The following PKD1L1 variants were observed in gnomAD, a reference collection of about 807,000 sequenced individuals.
The protein encoded by PKD1L1 is polycystin-1-like protein 1.
PKD1L1 carries 236 observed loss-of-function variants against 323.4 expected under a neutral mutation model. That is an observed-to-expected ratio of 0.73 (90% CI 0.66 to 0.81). The LOEUF (loss-of-function observed/expected upper bound fraction) is 0.81, where lower values mean the gene tolerates loss of function less well. Among genes scored for constraint, PKD1L1 ranks in the 40% least tolerant of loss-of-function variants. The probability of loss-of-function intolerance (pLI) is 0.00; values close to 1 mark genes in which losing one functional copy is unlikely to be tolerated. For missense variants in PKD1L1, 3,320 were observed against 3,508.0 expected (o/e 0.95, Z 1.35); for synonymous variants, 1,344 against 1,335.0 (o/e 1.01, Z -0.15).
At chr7:47,882,869 G>A (rs1164634065) in intron 19 of PKD1L1, among the ~76,000 whole-genome samples, 1 of 152,160 alleles carries the variant, frequency 6.6e-6, no homozygotes, top group East Asian at 1.9e-4. Context: ...GTCATGTGAT[G>A]AGATGACTGC....
At chr7:47,881,027 C>T (rs1786543189) in intron 20 of PKD1L1, among the ~76,000 whole-genome samples, 1 of 151,850 alleles carries the variant, frequency 6.6e-6, no homozygotes, top group African/African-American at 2.4e-5. Flanking sequence ...TCCATCCATC[C>T]CTGGCTCAGA....
chr7:47,940,284 T>C lies in PKD1L1; in HGVS notation c.194A>G (p.Asp65Gly), dbSNP rs1321832566. The change falls in exon 3 of 57, where the codon GAT becomes GGT. Residue 65 changes from aspartate (D) to glycine (G), a missense_variant. Physicochemically the swap from Asp to Gly is moderately conservative, Grantham distance 94. Coordinates refer to ENST00000289672, the MANE Select transcript of PKD1L1 (RefSeq NM_138295.5). ...VYANHVLLMSDGKCGCPWCAL... is the reference protein window; with the variant it reads ...VYANHVLLMSGGKCGCPWCAL... ...ACACCAAGGACAGCCACACTTCCCATCACTCATAAGAAGCACATGATTAGC... is the reference window on the plus strand; with the variant it reads ...ACACCAAGGACAGCCACACTTCCCACCACTCATAAGAAGCACATGATTAGC... 3.1e-6 allele frequency: 5 copies of C among 1,613,434 alleles called. No homozygotes were observed. In the South Asian group the frequency reaches 5.5e-5, roughly 18 times the overall value.
At chr7:47,949,368 C>CAAAAAAAAAAAAAAAAAA (rs58131581), upstream of PKD1L1, among the ~76,000 whole-genome samples, 13 of 57,140 alleles carry the variant, frequency 2.3e-4, 1 homozygote, top group African/African-American at 6.7e-4. Context: ...GGCTCTGTCT[C>CAAAAAAAAAAAAAAAAAA]AAAAAAAAAA....
intron 18 of PKD1L1, 115 bp from the exon 19 acceptor site, chr7:47,884,772 AT>A: frequency 1.2e-6 from 1 of 828,352 alleles, no homozygotes; most frequent in South Asian, 1.5e-5. Context: ...GACTCCATAC[AT>A]TGCTCTGTGG....
intron 56 of PKD1L1, among the ~76,000 whole-genome samples, chr7:47,787,398 T>C (rs1489832961): frequency 6.6e-6 from 1 of 152,166 alleles, no homozygotes; most frequent in African/African-American, 2.4e-5. Flanking sequence ...AAAGTTATGA[T>C]TGCATTGTTG....
chr7:47,911,646 C>G (rs1787323567), intron 8 of PKD1L1, among the ~76,000 whole-genome samples: 1 of 152,112 alleles, frequency 6.6e-6, no homozygotes, highest in South Asian at 2.1e-4. Context: ...AACTTTTTCT[C>G]TCTTTGTTTA....
intron 19 of PKD1L1, 118 bp from the exon 20 acceptor site, chr7:47,882,203 T>G: frequency 9.5e-7 from 1 of 1,049,108 alleles, no homozygotes; most frequent in South Asian, 1.5e-5. Flanking sequence ...ATACCGCCTA[T>G]CTAATATAAT....
chr7:47,900,863 C>T (rs1346306810), intron 13 of PKD1L1, among the ~76,000 whole-genome samples: 2 of 152,054 alleles, frequency 1.3e-5, no homozygotes, highest in Non-Finnish European at 2.9e-5. Context: ...AATCAAAAGG[C>T]TGCTTAATAA....
intron 41 of PKD1L1, 119 bp downstream of exon 41, chr7:47,832,971 G>A (rs1785378047): frequency 1.5e-6 from 2 of 1,324,060 alleles, no homozygotes; most frequent in Non-Finnish European, 2.0e-6. Flanking sequence ...GTTTTTAGAT[G>A]AGACTAGAGT....
chr7:47,937,282 T>C, intron 3 of PKD1L1, among the ~76,000 whole-genome samples: 1 of 150,224 alleles, frequency 6.7e-6, no homozygotes, highest in Non-Finnish European at 1.5e-5. Flanking sequence ...CGCGGTGCTT[T>C]TTTATACACA....
intron 46 of PKD1L1, among the ~76,000 whole-genome samples, chr7:47,817,619 A>G (rs903482997): frequency 6.6e-6 from 1 of 152,220 alleles, no homozygotes; most frequent in Non-Finnish European, 1.5e-5. Flanking sequence ...CTATAATCCT[A>G]GCACTTTGGA....
intron 18 of PKD1L1, among the ~76,000 whole-genome samples, chr7:47,885,115 A>G (rs1394170004): frequency 2.0e-5 from 3 of 152,170 alleles, no homozygotes; most frequent in African/African-American, 7.2e-5. Context: ...CCAGAGGCAG[A>G]GGAGCTCACA....
chr7:47,808,684 CTG>C (rs981272328), intron 51 of PKD1L1, among the ~76,000 whole-genome samples: 1 of 152,124 alleles, frequency 6.6e-6, no homozygotes, highest in Non-Finnish European at 1.5e-5. Flanking sequence ...ATGGTAAGTG[CTG>C]GTGTATCTAA....
rs1057379323 is a variant in PKD1L1 at position 47,831,309 on chromosome 7, C to T, written c.6381G>A (p.Arg2127=). The T allele has an allele frequency of 6.2e-7, 1 of 1,614,114 alleles. No individual in the cohort carries two copies. The highest frequency in any genetic ancestry group is 8.5e-7 in the Non-Finnish European group (1 of 1,180,012). ...CAGAGCTCCACCAAGGCTGAAGGGC[C>T]CTTGACCACTGGGGCATTAGTCCCT... The part of the protein sequence containing the change: ...GLEGLMPQWS[R]ALQPWWSSAV... The change falls in exon 42 of 57, where the codon AGG becomes AGA. Residue 2127 remains arginine, a synonymous_variant. Coordinates refer to ENST00000289672, the MANE Select transcript of PKD1L1 (RefSeq NM_138295.5).
rs758584260 is a variant in PKD1L1, at chr7:47,931,130, A to T, written c.711T>A (p.Ile237=). The T allele has an allele frequency of 1.9e-6, 3 of 1,614,128 alleles. No homozygotes were observed. Among genetic ancestry groups the T allele is most frequent in the Non-Finnish European group, 8.5e-7 (1 of 1,179,966 alleles). Residue 237 remains isoleucine, a synonymous_variant, in exon 6 of 57, where the codon ATT becomes ATA. Coordinates refer to ENST00000289672, the MANE Select transcript of PKD1L1 (RefSeq NM_138295.5). ...TTCTGGGAGAAGTGGGAAAATGTGA[A>T]ATCGGCCACAGGGGCACTCGCTGGG... ...TSSQRVPLWP[I]SHFPTSPRSS...
intron 42 of PKD1L1, among the ~76,000 whole-genome samples, chr7:47,830,555 C>T (rs141606994): frequency 4.6e-5 from 7 of 152,322 alleles, no homozygotes; most frequent in Non-Finnish European, 1.0e-4. Context: ...GAATTAAGCT[C>T]TCTGATGTTC....
chr7:47,839,812 G>C lies in PKD1L1; in HGVS notation c.5553-150C>G. The stretch of plus-strand genomic sequence containing the variant: ...GTGACTGACATGCAGAGTGACATGT[G>C]AAGCCCCCTGGAACCCGGCCAGAGG... On this transcript the variant is annotated intron_variant, in intron 35 of 56. Coordinates refer to ENST00000289672, the MANE Select transcript of PKD1L1 (RefSeq NM_138295.5). This position sits in a 1 kb window ranked among gnomAD's most constrained non-coding sequence, Gnocchi z 4.3. 1 of 786,758 alleles carries C rather than the reference G, an allele frequency of 1.3e-6. No homozygotes were observed. Among genetic ancestry groups the C allele is most frequent in the African/African-American group, 1.7e-5 (1 of 58,128 alleles). 48.7% of individuals were successfully genotyped at this position (786,758 alleles called of 1,614,324 possible). A position where few individuals can be genotyped will look rare whatever the true frequency, so the allele number is the denominator to read the frequency against.
intron 25 of PKD1L1, among the ~76,000 whole-genome samples, chr7:47,865,679 G>C (rs562486054): frequency 3.3e-5 from 5 of 151,756 alleles, no homozygotes; most frequent in Admixed American, 3.3e-4. Context: ...TCTGCCTCCC[G>C]GGTTCATGCC....
intron 7 of PKD1L1, among the ~76,000 whole-genome samples, chr7:47,924,216 G>A (rs1006178906): frequency 6.6e-6 from 1 of 152,130 alleles, no homozygotes; most frequent in Non-Finnish European, 1.5e-5. Flanking sequence ...TTTTGTAAAA[G>A]TACTTTTTAA....
Sources: allele counts gnomAD v4.1 joint callset (sites outside exome capture counted in the v4.1 genomes callset), GRCh38; gene constraint gnomAD v4.1.1; non-coding constraint Gnocchi (gnomAD v3.1); transcripts MANE v1.5; gene names NCBI Gene and HGNC (gene_info 2026-07-23, HGNC 2026-07-21).